PTPRG: variants seen among roughly 807,000 people sequenced by gnomAD.
The protein encoded by PTPRG is receptor-type tyrosine-protein phosphatase gamma.
In PTPRG, 102 loss-of-function variants were observed where a neutral mutation model predicts 165.3. The ratio of observed to expected loss-of-function variants is 0.62; its 90% CI spans 0.53 to 0.73. PTPRG has a LOEUF of 0.73. Ranked by LOEUF, PTPRG falls within the 30% of genes least tolerant of loss-of-function variation. PTPRG has a pLI of 0.00. For synonymous variants in PTPRG, 675 were observed against 669.5 expected (o/e 1.01, Z -0.13); for missense variants, 1,866 against 1,861.4 (o/e 1.00, Z -0.05).
At chr3:61,853,324 G>A (rs2037017969) in intron 2 of PTPRG, among the ~76,000 whole-genome samples, 2 of 152,160 alleles carry the variant, frequency 1.3e-5, no homozygotes, top group African/African-American at 2.4e-5. Context: ...ATCAGTTGAC[G>A]ATGGCAGAGG....
intron 1 of PTPRG, among the ~76,000 whole-genome samples, chr3:61,569,666 G>A (rs552087764): frequency 1.3e-5 from 2 of 152,284 alleles, no homozygotes; most frequent in Admixed American, 6.5e-5. Flanking sequence ...TGTATGGAAA[G>A]CGGACGGTGG....
At chr3:62,139,466 C>T (rs2106946517) in intron 6 of PTPRG, among the ~76,000 whole-genome samples, 1 of 151,906 alleles carries the variant, frequency 6.6e-6, no homozygotes, top group South Asian at 2.1e-4. Flanking sequence ...CCCCCCTTCC[C>T]CCAGAAAAAA....
chr3:61,956,382 G>A (rs1195976663), intron 2 of PTPRG, among the ~76,000 whole-genome samples: 2 of 151,506 alleles, frequency 1.3e-5, no homozygotes, highest in Admixed American at 6.6e-5. Context: ...TCCAGCTGTC[G>A]GCAGCAGAAT....
chr3:61,663,127 C>T (rs955477306), intron 1 of PTPRG, among the ~76,000 whole-genome samples: 2 of 151,944 alleles, frequency 1.3e-5, no homozygotes, highest in Non-Finnish European at 1.5e-5. Context: ...ACCAAAAATA[C>T]AAGAATCAGC....
chr3:61,732,427 A>G (rs1456675046), intron 1 of PTPRG, among the ~76,000 whole-genome samples: 1 of 152,082 alleles, frequency 6.6e-6, no homozygotes, highest in Non-Finnish European at 1.5e-5. Flanking sequence ...AATACAAAAA[A>G]TTAGCTGGGC....
intron 4 of PTPRG, among the ~76,000 whole-genome samples, chr3:62,059,127 C>T (rs150071755): frequency 1.5e-3 from 224 of 152,292 alleles, no homozygotes; most frequent in African/African-American, 5.3e-3. Context: ...CTTAACCTTC[C>T]TAAAATTCCC....
intron 1 of PTPRG, among the ~76,000 whole-genome samples, chr3:61,585,419 T>C (rs1055881467): frequency 6.6e-6 from 1 of 152,134 alleles, no homozygotes; most frequent in Admixed American, 6.6e-5. Context: ...TTTGGTACTA[T>C]AGCCATTGGG....
intron 2 of PTPRG, among the ~76,000 whole-genome samples, chr3:61,959,772 A>G (rs1169410996): frequency 6.6e-6 from 1 of 152,158 alleles, no homozygotes; most frequent in Admixed American, 6.5e-5. Flanking sequence ...TTTACCCTCT[A>G]CACCCTAATG....
chr3:62,192,404 T>C lies in PTPRG; in HGVS notation c.1218+751T>C, dbSNP rs1260957383. On this transcript the variant is annotated intron_variant, in intron 9 of 29. Coordinates refer to ENST00000474889, the MANE Select transcript of PTPRG (RefSeq NM_002841.4). ...TCCACAACTACTGTCTTTTTTTTTTTTTTTTTTTTTTTTTTTTTTTTTGAG... is the reference window on the plus strand; with the variant it reads ...TCCACAACTACTGTCTTTTTTTTTTCTTTTTTTTTTTTTTTTTTTTTTGAG... Among the ~76,000 whole-genome samples, 802 of 116,204 alleles carry C rather than the reference T, an allele frequency of 6.9e-3. 17 individuals are homozygous for C. The highest frequency in any genetic ancestry group is 0.024 in the African/African-American group (767 of 31,312). The allele number at this position is 116,204 out of a possible 152,430, so 76.2% of individuals were successfully genotyped here.
At chr3:61,679,286 G>C (rs1273572645) in intron 1 of PTPRG, among the ~76,000 whole-genome samples, 1 of 152,176 alleles carries the variant, frequency 6.6e-6, no homozygotes, top group Non-Finnish European at 1.5e-5. Context: ...ATTATAAAAG[G>C]AGATCTTGAC....
chr3:62,192,524 T>A (rs1699862475), intron 9 of PTPRG, among the ~76,000 whole-genome samples: 1 of 145,768 alleles, frequency 6.9e-6, no homozygotes, highest in Non-Finnish European at 1.5e-5. Flanking sequence ...TTCTCCTGCC[T>A]CAGCCTCCCA....
chr3:61,954,343 G>T (rs1429543454), intron 2 of PTPRG, among the ~76,000 whole-genome samples: 1 of 152,120 alleles, frequency 6.6e-6, no homozygotes, highest in Non-Finnish European at 1.5e-5. Context: ...TGTATTGGTG[G>T]TAAATTTGTA....
At chr3:62,179,232 A>G (rs138101873) in intron 8 of PTPRG, among the ~76,000 whole-genome samples, 41 of 152,268 alleles carry the variant, frequency 2.7e-4, no homozygotes, top group African/African-American at 9.9e-4. Flanking sequence ...AGGGAGCCCC[A>G]TGTGGTGTCC....
At chr3:61,925,424 G>A (rs2039183309) in intron 2 of PTPRG, among the ~76,000 whole-genome samples, 1 of 152,146 alleles carries the variant, frequency 6.6e-6, no homozygotes, top group Non-Finnish European at 1.5e-5. Context: ...TTCATCACCG[G>A]AAGCCCAGCA....
At position 61,842,684 on chromosome 3, in the gene PTPRG, CA is replaced by C. The variant is rs199500194; in HGVS notation, c.190+93721del. On this transcript the variant is annotated intron_variant, in intron 2 of 29. Coordinates refer to ENST00000474889, the MANE Select transcript of PTPRG (RefSeq NM_002841.4). Reference sequence around the variant, plus strand: ...CCCTCTCAGGGCAATGTATGTGTGGCAAAAAAAAAAAAAAAAAAAGAAAAAG... The same window carrying C: ...CCCTCTCAGGGCAATGTATGTGTGGCAAAAAAAAAAAAAAAAAAGAAAAAG... Among the ~76,000 whole-genome samples the C allele has an allele frequency of 2.2e-3, 262 of 121,618 alleles. 1 individual carries two copies. Among genetic ancestry groups the C allele is most frequent in the African/African-American group, 6.0e-3 (194 of 32,142 alleles). The allele number at this position is 121,618 out of a possible 152,430, so 79.8% of individuals were successfully genotyped here.
chr3:62,274,497 CA>C (rs1341994708), intron 23 of PTPRG, among the ~76,000 whole-genome samples: 1 of 152,156 alleles, frequency 6.6e-6, no homozygotes, highest in Non-Finnish European at 1.5e-5. Flanking sequence ...CCTGTCTCTC[CA>C]GTTACCAAGT....
At chr3:62,039,082 A>G (rs1247723521) in intron 4 of PTPRG, among the ~76,000 whole-genome samples, 1 of 152,040 alleles carries the variant, frequency 6.6e-6, no homozygotes, top group Non-Finnish European at 1.5e-5. Context: ...CTACAGGCAC[A>G]TGCCACCATG....
chr3:61,676,548 T>C (rs1703238222), intron 1 of PTPRG, among the ~76,000 whole-genome samples: 1 of 151,410 alleles, frequency 6.6e-6, no homozygotes, highest in African/African-American at 2.4e-5. Flanking sequence ...TATTTTACTT[T>C]CACACACACA....
At chr3:62,105,123 G>A (rs1278822373) in intron 5 of PTPRG, among the ~76,000 whole-genome samples, 1 of 152,132 alleles carries the variant, frequency 6.6e-6, no homozygotes, top group Middle Eastern at 3.2e-3. Flanking sequence ...TTTATTAATG[G>A]ATCTGGAAAC....
Sources: allele counts gnomAD v4.1 joint callset (sites outside exome capture counted in the v4.1 genomes callset), GRCh38; gene constraint gnomAD v4.1.1; transcripts MANE v1.5; gene names NCBI Gene and HGNC (gene_info 2026-07-23, HGNC 2026-07-21).